LYN: variants seen among roughly 807,000 people sequenced by gnomAD.
The protein encoded by LYN is tyrosine-protein kinase Lyn.
A neutral mutation model predicts 65.0 loss-of-function variants in LYN; 12 were observed. The ratio of observed to expected loss-of-function variants is 0.18; its 90% CI spans 0.12 to 0.30. The LOEUF (loss-of-function observed/expected upper bound fraction) is 0.30. Among genes scored for constraint, LYN ranks in the 10% least tolerant of loss-of-function variants. LYN has a pLI of 1.00. For missense variants in LYN, 380 were observed against 623.2 expected (o/e 0.61, Z 4.16); for synonymous variants, 222 against 221.2 (o/e 1.00, Z -0.03).
chr8:55,984,074 G>T (rs905739608), intron 10 of LYN, among the ~76,000 whole-genome samples: 7 of 151,984 alleles, frequency 4.6e-5, no homozygotes, highest in African/African-American at 1.5e-4. Flanking sequence ...TCTGTCTTCC[G>T]GTGGCCTCTG....
At chr8:55,894,309 CCCT>C (rs1440632595) in intron 1 of LYN, among the ~76,000 whole-genome samples, 1 of 152,092 alleles carries the variant, frequency 6.6e-6, no homozygotes, top group African/African-American at 2.4e-5. Context: ...AAGTGATCCT[CCCT>C]CCTCAGCCTC....
intron 10 of LYN, among the ~76,000 whole-genome samples, chr8:55,994,157 C>T (rs991739065): frequency 1.3e-5 from 2 of 151,886 alleles, no homozygotes; most frequent in Middle Eastern, 3.2e-3. Context: ...AAAAAATAAA[C>T]CAAGAAAGAA....
chr8:55,951,241 T>C (rs1359157177), intron 6 of LYN, among the ~76,000 whole-genome samples: 3 of 150,518 alleles, frequency 2.0e-5, no homozygotes, highest in African/African-American at 7.4e-5. Flanking sequence ...AGTGAGGCAC[T>C]GTCTCAAAAA....
intron 1 of LYN, among the ~76,000 whole-genome samples, chr8:55,911,196 C>CATATATAT (rs1766470338): frequency 1.8e-4 from 1 of 5,532 alleles, no homozygotes; most frequent in Non-Finnish European, 2.4e-3. Context: ...TATACACACA[C>CATATATAT]ACATATATAT....
intron 10 of LYN, among the ~76,000 whole-genome samples, chr8:55,970,714 C>T (rs1182832135): frequency 6.6e-6 from 1 of 151,968 alleles, no homozygotes; most frequent in Non-Finnish European, 1.5e-5. Flanking sequence ...AAGCACCTCA[C>T]CTAAGGTAGG....
chr8:55,897,659 G>A (rs1585572411), intron 1 of LYN, among the ~76,000 whole-genome samples: 1 of 152,052 alleles, frequency 6.6e-6, no homozygotes, highest in Non-Finnish European at 1.5e-5. Flanking sequence ...CACCTGTAAT[G>A]CTAGCACTTT....
At chr8:55,918,972 G>A (rs1482578507) in intron 1 of LYN, among the ~76,000 whole-genome samples, 1 of 138,166 alleles carries the variant, frequency 7.2e-6, no homozygotes, top group Non-Finnish European at 1.5e-5. Context: ...TTCGAGGCAG[G>A]AGAATTGCAT....
chr8:55,945,910 A>G (rs1290715374), intron 2 of LYN, among the ~76,000 whole-genome samples: 1 of 152,188 alleles, frequency 6.6e-6, no homozygotes, highest in Non-Finnish European at 1.5e-5. Flanking sequence ...CGGCAACTCC[A>G]CGAAATCACC....
At position 56,011,127 on chromosome 8, in the gene LYN, T is replaced by C. The variant is rs1235590931; in HGVS notation, c.*1017T>C. 4.4e-6 allele frequency: 1 copy of C among 229,238 alleles called. No homozygotes were observed. The highest frequency in any genetic ancestry group is 8.6e-6 in the Non-Finnish European group (1 of 115,774). The allele number at this position is 229,238 out of a possible 1,614,324, so 14.2% of individuals were successfully genotyped here. ...CCACATTCGGGGCTATTTTTATGAT[T>C]CAGCAATCTTTTCTAAATTGTGTAG... On this transcript the variant is annotated 3_prime_UTR_variant, in exon 13 of 13. Coordinates refer to ENST00000519728, the MANE Select transcript of LYN (RefSeq NM_002350.4).
At chr8:55,922,764 T>C (rs1328236816) in intron 1 of LYN, among the ~76,000 whole-genome samples, 1 of 133,980 alleles carries the variant, frequency 7.5e-6, no homozygotes, top group African/African-American at 3.1e-5. Flanking sequence ...CGAAATTCCA[T>C]CAAAAAAAAA....
At chr8:55,991,922 G>GA (rs1178018741) in intron 10 of LYN, among the ~76,000 whole-genome samples, 3 of 152,236 alleles carry the variant, frequency 2.0e-5, no homozygotes, top group Non-Finnish European at 4.4e-5. Context: ...AAGAGCACAA[G>GA]AAGCATCAGC....
intron 8 of LYN, among the ~76,000 whole-genome samples, chr8:55,954,907 A>C (rs1255582520): frequency 2.0e-5 from 3 of 152,198 alleles, no homozygotes; most frequent in African/African-American, 7.2e-5. Flanking sequence ...TTCTTTGGTG[A>C]TAAGAGTTTT....
intron 1 of LYN, among the ~76,000 whole-genome samples, chr8:55,902,030 C>T (rs7817215): frequency 0.44 from 65,833 of 150,646 alleles, 14,957 homozygotes; most frequent in East Asian, 0.77. Context: ...TTTTTTGAGA[C>T]GAGTTTCACT....
intron 10 of LYN, among the ~76,000 whole-genome samples, chr8:55,979,493 G>A (rs1280199002): frequency 2.6e-5 from 4 of 152,148 alleles, no homozygotes; most frequent in Admixed American, 1.3e-4. Flanking sequence ...CTCGGAGCAC[G>A]TGCTGTAGCT....
At chr8:55,917,174 T>TA (rs776843044) in intron 1 of LYN, among the ~76,000 whole-genome samples, 3,421 of 135,596 alleles carry the variant, frequency 0.025, 60 homozygotes, top group Non-Finnish European at 0.036. Flanking sequence ...AGATTCTGTC[T>TA]AAAAAAAAAA....
intron 2 of LYN, among the ~76,000 whole-genome samples, chr8:55,944,049 A>G (rs1806704195): frequency 6.6e-6 from 1 of 152,304 alleles, no homozygotes; most frequent in South Asian, 2.1e-4. Context: ...AGATCACGCC[A>G]CTGCACTCCA....
intron 1 of LYN, among the ~76,000 whole-genome samples, chr8:55,883,542 T>C (rs1246368709): frequency 3.3e-5 from 5 of 152,226 alleles, no homozygotes; most frequent in Non-Finnish European, 5.9e-5. Context: ...AGTGACTGTC[T>C]TGGGGGCAAT....
At chr8:55,956,589 A>T (rs74615681) in intron 8 of LYN, among the ~76,000 whole-genome samples, 1,738 of 152,256 alleles carry the variant, frequency 0.011, 30 homozygotes, top group African/African-American at 0.035. Flanking sequence ...AGATTATGTA[A>T]ATAGAACTTT....
chr8:55,933,271 A>C (rs1806321804), intron 1 of LYN, among the ~76,000 whole-genome samples: 1 of 152,210 alleles, frequency 6.6e-6, no homozygotes, highest in Admixed American at 6.5e-5. Context: ...ATTTTGGTGA[A>C]CTGATCATCT....
Sources: allele counts gnomAD v4.1 joint callset (sites outside exome capture counted in the v4.1 genomes callset), GRCh38; gene constraint gnomAD v4.1.1; transcripts MANE v1.5; gene names NCBI Gene and HGNC (gene_info 2026-07-23, HGNC 2026-07-21).